The following UBE2O variants were observed in gnomAD, a reference collection of about 807,000 sequenced individuals.
UBE2O encodes (E3-independent) E2 ubiquitin-conjugating enzyme.
A neutral mutation model predicts 125.8 loss-of-function variants in UBE2O; 15 were observed. The ratio of observed to expected loss-of-function variants is 0.12; its 90% CI spans 0.08 to 0.18. UBE2O has a LOEUF of 0.18. Ranked by LOEUF, UBE2O falls within the 10% of genes least tolerant of loss-of-function variation. UBE2O has a pLI of 1.00. For missense variants in UBE2O, 1,280 were observed against 1,723.6 expected (o/e 0.74, Z 4.56); for synonymous variants, 708 against 703.2 (o/e 1.01, Z -0.11).
chr17:76,419,726 T>G (rs1247995454), intron 1 of UBE2O, among the ~76,000 whole-genome samples: 1 of 152,208 alleles, frequency 6.6e-6, no homozygotes, highest in African/African-American at 2.4e-5. Flanking sequence ...CACGCATCCT[T>G]GGGAACCTGG....
rs2072311413 is a variant in UBE2O at position 76,400,913 on chromosome 17, G to A, written c.894+98C>T. 19 of 1,434,732 alleles carry A rather than the reference G, an allele frequency of 1.3e-5. No individual in the cohort carries two copies. In the Middle Eastern group the frequency reaches 9.7e-4, roughly 74 times the overall value. The allele number at this position is 1,434,732 out of a possible 1,614,324, so 88.9% of individuals were successfully genotyped here. A position where few individuals can be genotyped will look rare whatever the true frequency, so the allele number is the denominator to read the frequency against. ...AACAGGGTCCAGATGCTGAGGAGCG[G>A]GGCTCAACCCTCAAGAGCAGGAAGG... On this transcript the variant is annotated intron_variant, in intron 6 of 17. Transcript: ENST00000319380. This position sits in a 1 kb window ranked among gnomAD's most constrained non-coding sequence, Gnocchi z 4.3.
rs1469175505 is a variant in UBE2O at position 76,405,810 on chromosome 17, C to T, written c.418-238G>A. ...CCCCTGTGGTCACTGTCTCACCCAC[C>T]AGAGGCACTTGGCTTGCCGGAGGTA... On this transcript the variant is annotated intron_variant, in intron 1 of 17. Coordinates refer to ENST00000319380, the MANE Select transcript of UBE2O (RefSeq NM_022066.4). This position sits in a 1 kb window ranked among gnomAD's most constrained non-coding sequence, Gnocchi z 6.1. 5.3e-5 allele frequency among the ~76,000 whole-genome samples: 8 copies of T among 152,234 alleles called. No homozygotes were observed. The highest frequency in any genetic ancestry group is 1.4e-4 in the African/African-American group (6 of 41,462).
chr17:76,395,867 G>A lies in UBE2O; in HGVS notation c.2810-6C>T, dbSNP rs750401785. ...TTTCTTAAAAGAATGATTTGCTAGA[G>A]GGGGGAAGAGAATAGTCAGTCCCTC... On this transcript the variant is annotated splice_polypyrimidine_tract_variant and splice_region_variant and intron_variant, in intron 14 of 17. Transcript: ENST00000319380. The surrounding 1 kb of genome is among the most constrained non-coding windows in gnomAD (Gnocchi z 5.0). 21 of 1,614,084 alleles carry A rather than the reference G, an allele frequency of 1.3e-5. No individual in the cohort carries two copies. The highest frequency in any genetic ancestry group is 4.4e-5 in the South Asian group (4 of 91,080).
intron 15 of UBE2O, among the ~76,000 whole-genome samples, chr17:76,395,000 C>T (rs1420631798): frequency 6.6e-6 from 1 of 150,896 alleles, no homozygotes. Flanking sequence ...CTCAGTCTCC[C>T]GAGTAGCTGG....
Position 76,400,345 on chromosome 17 carries a change from C to T in UBE2O, c.1005-48G>A, listed in dbSNP as rs1432970666. 3.7e-6 allele frequency: 6 copies of T among 1,603,590 alleles called. No individual in the cohort carries two copies. The highest frequency in any genetic ancestry group is 5.1e-6 in the Non-Finnish European group (6 of 1,173,288). On this transcript the variant is annotated intron_variant, in intron 7 of 17. Coordinates refer to ENST00000319380, the MANE Select transcript of UBE2O (RefSeq NM_022066.4). The surrounding 1 kb of genome is among the most constrained non-coding windows in gnomAD (Gnocchi z 4.3). Reference sequence around the variant, plus strand: ...TGAGCTGGGCTGGACTCCTGGGAGGCCAGCAGTGTTCTTAAGCCTCCCCAG... The same window carrying T: ...TGAGCTGGGCTGGACTCCTGGGAGGTCAGCAGTGTTCTTAAGCCTCCCCAG...
At chr17:76,412,956 C>T (rs1165500920) in intron 1 of UBE2O, among the ~76,000 whole-genome samples, 2 of 152,050 alleles carry the variant, frequency 1.3e-5, no homozygotes, top group Non-Finnish European at 2.9e-5. Context: ...TGCAGTGAGC[C>T]GAGATTGCGC....
chr17:76,441,172 C>T (rs1189861012), intron 1 of UBE2O, among the ~76,000 whole-genome samples: 4 of 152,166 alleles, frequency 2.6e-5, no homozygotes, highest in Admixed American at 1.3e-4. Context: ...AGTTAACATG[C>T]CTGGCTCACA....
rs755200941 is a variant in UBE2O, at chr17:76,402,039, T to A, written c.750+25A>T. 5.0e-6 allele frequency: 8 copies of A among 1,611,730 alleles called. No homozygotes were observed. The African/African-American group carries it at 8.0e-5, about 16-fold the overall frequency. On this transcript the variant is annotated intron_variant, in intron 5 of 17. Coordinates refer to ENST00000319380, the MANE Select transcript of UBE2O (RefSeq NM_022066.4). This position sits in a 1 kb window ranked among gnomAD's most constrained non-coding sequence, Gnocchi z 5.4. ...AGAGGACTGAGCAATCAGAGAAGGGTGCTGGCCTGGATGGAGCACACTACC... is the reference window on the plus strand; with the variant it reads ...AGAGGACTGAGCAATCAGAGAAGGGAGCTGGCCTGGATGGAGCACACTACC...
intron 1 of UBE2O, among the ~76,000 whole-genome samples, chr17:76,418,290 A>G (rs2072649039): frequency 6.6e-6 from 1 of 152,260 alleles, no homozygotes; most frequent in Non-Finnish European, 1.5e-5. Flanking sequence ...ACAAAAACTC[A>G]TTTTATCACA....
At chr17:76,433,903 G>A (rs931345313) in intron 1 of UBE2O, among the ~76,000 whole-genome samples, 2 of 152,202 alleles carry the variant, frequency 1.3e-5, no homozygotes, top group African/African-American at 4.8e-5. Flanking sequence ...GTGGCGGTGC[G>A]CGCCTACAGG....
At position 76,405,553 on chromosome 17, in the gene UBE2O, G is replaced by A; in HGVS notation, c.437C>T (p.Ser146Phe). ...KETKLKLEDR[S>F]VVPRDVVRHM... is the part of the protein sequence containing the mutation. Reference sequence around the variant, plus strand: ...CCGGACCACATCTCGGGGCACCACAGAACGGTCCTCTAGTTTCAGCTGTAA... The same window carrying A: ...CCGGACCACATCTCGGGGCACCACAAAACGGTCCTCTAGTTTCAGCTGTAA... The change falls in exon 2 of 18, where the codon TCT becomes TTT. Residue 146 changes from serine to phenylalanine, a missense_variant. Around this residue, in one of 10 missense-constraint regions of UBE2O, gnomAD observed 206 missense variants for 315.7 expected, o/e 0.65. Transcript: ENST00000319380. The surrounding 1 kb of genome is among the most constrained non-coding windows in gnomAD (Gnocchi z 6.1). 1 of 1,597,062 alleles carries A rather than the reference G, an allele frequency of 6.3e-7. No homozygotes were observed.
chr17:76,419,283 C>CAAAAAAAA (rs35062714), intron 1 of UBE2O, among the ~76,000 whole-genome samples: 1 of 63,278 alleles, frequency 1.6e-5, no homozygotes, highest in African/African-American at 6.5e-5. Flanking sequence ...GACCCTATCT[C>CAAAAAAAA]AAAAAAAAAA....
chr17:76,425,316 TTAAA>T (rs2072794533), intron 1 of UBE2O, among the ~76,000 whole-genome samples: 1 of 151,882 alleles, frequency 6.6e-6, no homozygotes, highest in South Asian at 2.1e-4. Context: ...TTGTATTTTT[TTAAA>T]TAATAGTTTA....
rs779195481 is a variant in UBE2O, at chr17:76,422,812, A to G, written c.418-17240T>C. 6.6e-5 allele frequency among the ~76,000 whole-genome samples: 10 copies of G among 152,136 alleles called. 1 individual carries two copies. Among genetic ancestry groups the G allele is most frequent in the Non-Finnish European group, 1.2e-4 (8 of 68,022 alleles). On this transcript the variant is annotated intron_variant, in intron 1 of 17. Transcript: ENST00000319380. ...CCCACACCTGCAGTCTGTGTGCCCCATGGGGGTTAGAATGTGAACCACACA... is the reference window on the plus strand; with the variant it reads ...CCCACACCTGCAGTCTGTGTGCCCCGTGGGGGTTAGAATGTGAACCACACA...
Position 76,396,874 on chromosome 17 carries a change from C to A in UBE2O, c.2116-53G>T, listed in dbSNP as rs1271503595. Reference sequence around the variant, plus strand: ...AAGCAGACAGGAAGTCACCTCCCCACCACTAAGGAGGAGCTCTGGGGATCC... The same window carrying A: ...AAGCAGACAGGAAGTCACCTCCCCAACACTAAGGAGGAGCTCTGGGGATCC... On this transcript the variant is annotated intron_variant, in intron 13 of 17. Coordinates refer to ENST00000319380, the MANE Select transcript of UBE2O (RefSeq NM_022066.4). This position sits in a 1 kb window ranked among gnomAD's most constrained non-coding sequence, Gnocchi z 6.7. The A allele has an allele frequency of 6.8e-7, 1 of 1,477,798 alleles. No homozygotes were observed. Among genetic ancestry groups the A allele is most frequent in the African/African-American group, 1.4e-5 (1 of 71,252 alleles). The allele number at this position is 1,477,798 out of a possible 1,614,324, so 91.5% of individuals were successfully genotyped here. A position where few individuals can be genotyped will look rare whatever the true frequency, so the allele number is the denominator to read the frequency against.
intron 1 of UBE2O, chr17:76,431,049 C>A: frequency 5.1e-6 from 1 of 196,254 alleles, no homozygotes; most frequent in South Asian, 8.0e-5. Flanking sequence ...ATCTTTAGTT[C>A]TGTGAAATTC....
At position 76,396,866 on chromosome 17, in the gene UBE2O, C is replaced by G; in HGVS notation, c.2116-45G>C. 1.3e-6 allele frequency: 2 copies of G among 1,508,942 alleles called. No homozygotes were observed. Among genetic ancestry groups the G allele is most frequent in the East Asian group, 4.5e-5 (2 of 43,970 alleles). 93.5% of individuals were successfully genotyped at this position (1,508,942 alleles called of 1,614,324 possible). A position where few individuals can be genotyped will look rare whatever the true frequency, so the allele number is the denominator to read the frequency against. On this transcript the variant is annotated intron_variant, in intron 13 of 17. Transcript: ENST00000319380. This position sits in a 1 kb window ranked among gnomAD's most constrained non-coding sequence, Gnocchi z 6.7. ...GCCAGGGTAAGCAGACAGGAAGTCA[C>G]CTCCCCACCACTAAGGAGGAGCTCT... is the stretch of plus-strand genomic sequence containing the variant.
chr17:76,429,871 TGCCCAAG>T lies in UBE2O; in HGVS notation c.417+22847_417+22853del, dbSNP rs147427574. On this transcript the variant is annotated intron_variant, in intron 1 of 17. Transcript: ENST00000319380. ...TCCAGCGTTACCCTGCCCCTTGCTCTGCCCAAGGTACCTCAATCTGGTGCATAAGCCT... is the reference window on the plus strand; with the variant it reads ...TCCAGCGTTACCCTGCCCCTTGCTCTGTACCTCAATCTGGTGCATAAGCCT... Among the ~76,000 whole-genome samples the T allele has an allele frequency of 1.8e-3, 275 of 152,328 alleles. 5 individuals are homozygous for T. In the East Asian group the frequency reaches 0.049, roughly 27 times the overall value.
rs747526884 is a variant in UBE2O, at chr17:76,452,899, G to A, written c.243C>T (p.Leu81=). 2.7e-6 allele frequency: 4 copies of A among 1,497,506 alleles called. No individual in the cohort carries two copies. In the South Asian group the frequency reaches 5.1e-5, roughly 19 times the overall value. 92.8% of individuals were successfully genotyped at this position (1,497,506 alleles called of 1,614,324 possible). The part of the protein sequence containing the change: ...RGSVHFGLVR[L]IHGEDSDSEG... ...CCGAGTCCGAGTCCTCGCCGTGGATGAGGCGCACCAGCCCGAAGTGCACGG... is the reference window on the plus strand; with the variant it reads ...CCGAGTCCGAGTCCTCGCCGTGGATAAGGCGCACCAGCCCGAAGTGCACGG... The change falls in exon 1 of 18, where the codon CTC becomes CTT. Residue 81 remains leucine (L), a synonymous_variant. Coordinates refer to ENST00000319380, the MANE Select transcript of UBE2O (RefSeq NM_022066.4). This position sits in a 1 kb window ranked among gnomAD's most constrained non-coding sequence, Gnocchi z 4.4.
Sources: allele counts gnomAD v4.1 joint callset (sites outside exome capture counted in the v4.1 genomes callset), GRCh38; gene constraint gnomAD v4.1.1; regional missense constraint gnomAD v4.1.1; non-coding constraint Gnocchi (gnomAD v3.1); transcripts MANE v1.5; gene names NCBI Gene and HGNC (gene_info 2026-07-23, HGNC 2026-07-21).